TOX: variants seen among roughly 807,000 people sequenced by gnomAD.
TOX encodes thymocyte selection-associated high mobility group box protein TOX.
A neutral mutation model predicts 53.7 loss-of-function variants in TOX; 11 were observed. That is an observed-to-expected ratio of 0.20 (90% CI 0.13 to 0.34). The LOEUF (loss-of-function observed/expected upper bound fraction) is 0.34, where lower values mean the gene tolerates loss of function less well. Ranked by LOEUF, TOX falls within the 10% of genes least tolerant of loss-of-function variation. The pLI, the probability that TOX is intolerant of heterozygous loss-of-function variation, is 1.00. For synonymous variants in TOX, 225 were observed against 245.3 expected (o/e 0.92, Z 0.77); for missense variants, 570 against 664.6 (o/e 0.86, Z 1.56).
intron 6 of TOX, among the ~76,000 whole-genome samples, chr8:58,822,470 C>A (rs1042846099): frequency 1.3e-5 from 2 of 152,202 alleles, no homozygotes; most frequent in Non-Finnish European, 2.9e-5. Context: ...TCCTGCAATT[C>A]TGATATGCTT....
intron 1 of TOX, among the ~76,000 whole-genome samples, chr8:59,068,500 G>A (rs1477619895): frequency 6.6e-6 from 1 of 151,106 alleles, no homozygotes; most frequent in African/African-American, 2.5e-5. Flanking sequence ...AGCAGAATAA[G>A]GCGGAAAAAA....
At chr8:58,845,163 T>C (rs961233534) in intron 4 of TOX, among the ~76,000 whole-genome samples, 20 of 152,230 alleles carry the variant, frequency 1.3e-4, no homozygotes, top group Admixed American at 1.2e-3. Context: ...TAAAATAAAC[T>C]GCCGCGGTCC....
At chr8:59,069,018 T>C (rs1455832573) in intron 1 of TOX, among the ~76,000 whole-genome samples, 1 of 152,016 alleles carries the variant, frequency 6.6e-6, no homozygotes, top group Non-Finnish European at 1.5e-5. Context: ...ACAGCAAGGC[T>C]CATGAAGGTT....
chr8:58,925,979 T>C (rs2129175195), intron 3 of TOX, among the ~76,000 whole-genome samples: 1 of 152,326 alleles, frequency 6.6e-6, no homozygotes, highest in South Asian at 2.1e-4. Flanking sequence ...CTTGGTCCAC[T>C]GAGCTACCCT....
chr8:59,108,711 G>A (rs1195571142), intron 1 of TOX, among the ~76,000 whole-genome samples: 1 of 151,372 alleles, frequency 6.6e-6, no homozygotes, highest in African/African-American at 2.4e-5. Flanking sequence ...TATCAAAAGA[G>A]TAACAGAAAA....
At chr8:58,978,267 C>T (rs367562399) in intron 1 of TOX, among the ~76,000 whole-genome samples, 10 of 152,064 alleles carry the variant, frequency 6.6e-5, no homozygotes, top group African/African-American at 1.7e-4. Context: ...CCTTGAGAAA[C>T]GGGAGTCTAG....
intron 1 of TOX, among the ~76,000 whole-genome samples, chr8:58,975,699 G>T (rs59695042): frequency 0.51 from 77,144 of 152,006 alleles, 21,749 homozygotes; most frequent in Non-Finnish European, 0.62. Flanking sequence ...CTGGTGGAGG[G>T]TCTTGCCTTA....
intron 1 of TOX, among the ~76,000 whole-genome samples, chr8:59,097,846 G>C (rs1238945425): frequency 6.6e-6 from 1 of 151,944 alleles, no homozygotes; most frequent in Non-Finnish European, 1.5e-5. Context: ...ATTATCTCTG[G>C]TACTACTTTA....
intron 1 of TOX, among the ~76,000 whole-genome samples, chr8:59,092,264 T>TATATATACACTATATATATATA (rs1174716509): frequency 1.9e-5 from 1 of 51,888 alleles, no homozygotes; most frequent in African/African-American, 1.9e-4. Flanking sequence ...ATATATATAT[T>TATATATACACTATATATATATA]TTATATATAT....
intron 3 of TOX, among the ~76,000 whole-genome samples, chr8:58,925,868 G>A (rs1251984326): frequency 2.0e-5 from 3 of 152,238 alleles, no homozygotes; most frequent in East Asian, 1.9e-4. Flanking sequence ...ATAGCTTTCT[G>A]CCACCTGAGG....
intron 1 of TOX, among the ~76,000 whole-genome samples, chr8:59,111,263 C>T (rs2129424957): frequency 6.6e-6 from 1 of 152,150 alleles, no homozygotes; most frequent in Admixed American, 6.5e-5. Context: ...GGAGTCTTTC[C>T]CTGAGAAAGG....
chr8:59,046,524 T>C (rs1803684126), intron 1 of TOX, among the ~76,000 whole-genome samples: 2 of 152,060 alleles, frequency 1.3e-5, no homozygotes, highest in Non-Finnish European at 2.9e-5. Flanking sequence ...TAGGGAACAA[T>C]TGTGGCACTG....
chr8:59,103,705 C>T (rs1042866661), intron 1 of TOX, among the ~76,000 whole-genome samples: 3 of 152,124 alleles, frequency 2.0e-5, no homozygotes, highest in African/African-American at 4.8e-5. Flanking sequence ...TTATGAGATA[C>T]CTTCAAAAAC....
rs532525645 is a variant in TOX at position 59,082,032 on chromosome 8, A to G, written c.102+36854T>C. 2.0e-5 allele frequency among the ~76,000 whole-genome samples: 3 copies of G among 150,934 alleles called. No individual in the cohort carries two copies. In the South Asian group the frequency reaches 6.2e-4, roughly 31 times the overall value. On this transcript the variant is annotated intron_variant, in intron 1 of 8. Coordinates refer to ENST00000361421, the MANE Select transcript of TOX (RefSeq NM_014729.3). ...CTAAAGCAGTGATTTATTTCATTCT[A>G]TCTGAGAACAGCTTTTTGAAACAGA...
intron 6 of TOX, among the ~76,000 whole-genome samples, chr8:58,824,692 C>T (rs1267707304): frequency 6.6e-6 from 1 of 152,196 alleles, no homozygotes; most frequent in East Asian, 1.9e-4. Flanking sequence ...CTTGGATTCT[C>T]AAATCTCAAT....
intron 3 of TOX, among the ~76,000 whole-genome samples, chr8:58,865,773 A>G (rs1181465707): frequency 6.6e-6 from 1 of 151,296 alleles, no homozygotes; most frequent in African/African-American, 2.4e-5. Flanking sequence ...ATTAGAAGTA[A>G]TATTCATTTT....
At chr8:59,019,406 C>A (rs906161650) in intron 1 of TOX, among the ~76,000 whole-genome samples, 1 of 152,074 alleles carries the variant, frequency 6.6e-6, no homozygotes. Context: ...AATTACAGAA[C>A]CTTTAATGTC....
rs1805149414 is a variant in TOX, at chr8:59,118,536, C to A, written c.102+350G>T. ...AAATAAACTGAATTCTCTTACTCTG[C>A]CTCCGTTCCTGGACCCCAGACACAC... On this transcript the variant is annotated intron_variant, in intron 1 of 8. Coordinates refer to ENST00000361421, the MANE Select transcript of TOX (RefSeq NM_014729.3). The surrounding 1 kb of genome is among the most constrained non-coding windows in gnomAD (Gnocchi z 4.1). 1.3e-5 allele frequency among the ~76,000 whole-genome samples: 2 copies of A among 152,192 alleles called. No individual in the cohort carries two copies. Among genetic ancestry groups the A allele is most frequent in the African/African-American group, 4.8e-5 (2 of 41,454 alleles).
At chr8:59,042,492 A>T (rs1803609300) in intron 1 of TOX, among the ~76,000 whole-genome samples, 1 of 152,236 alleles carries the variant, frequency 6.6e-6, no homozygotes, top group African/African-American at 2.4e-5. Flanking sequence ...ACTTCTTTAT[A>T]GGAACTATTT....
Sources: gnomAD v4.1 joint callset for allele counts (sites outside exome capture counted in the v4.1 genomes callset) on GRCh38, gnomAD v4.1.1 for gene constraint, Gnocchi (gnomAD v3.1) non-coding constraint, MANE v1.5 for transcripts, NCBI Gene and HGNC (gene_info 2026-07-23, HGNC 2026-07-21) for gene names.